NLGN1: variants seen among roughly 807,000 people sequenced by gnomAD.
NLGN1 encodes neuroligin 1.
NLGN1 carries 12 observed loss-of-function variants against 65.5 expected under a neutral mutation model. That is an observed-to-expected ratio of 0.18 (90% CI 0.12 to 0.30). The LOEUF (loss-of-function observed/expected upper bound fraction) is 0.30. Among genes scored for constraint, NLGN1 ranks in the 10% least tolerant of loss-of-function variants. The pLI is 1.00. For synonymous variants in NLGN1, 350 were observed against 359.5 expected (o/e 0.97, Z 0.30); for missense variants, 750 against 1,007.1 (o/e 0.74, Z 3.46).
chr3:173,798,741 T>C (rs1714733598), intron 3 of NLGN1, among the ~76,000 whole-genome samples: 1 of 152,114 alleles, frequency 6.6e-6, no homozygotes. Flanking sequence ...GAAATGACCT[T>C]GAAACCGTGA....
intron 4 of NLGN1, among the ~76,000 whole-genome samples, chr3:173,972,732 T>G (rs1011876542): frequency 2.6e-5 from 4 of 152,044 alleles, no homozygotes; most frequent in Non-Finnish European, 4.4e-5. Context: ...GTGATTAGAT[T>G]GGAAGATTAA....
chr3:174,249,447 TGGA>T (rs1744388258), intron 4 of NLGN1, among the ~76,000 whole-genome samples: 2 of 152,190 alleles, frequency 1.3e-5, no homozygotes, highest in Non-Finnish European at 2.9e-5. Flanking sequence ...ATGCAAAGAA[TGGA>T]GCTCACAGGG....
At chr3:174,116,330 C>CTTTTTTTTTTTTTTT (rs1168837585) in intron 4 of NLGN1, among the ~76,000 whole-genome samples, 1 of 69,634 alleles carries the variant, frequency 1.4e-5, no homozygotes, top group Non-Finnish European at 3.0e-5. Flanking sequence ...TCTGGGTTTT[C>CTTTTTTTTTTTTTTT]TTTTTTTTTT....
intron 4 of NLGN1, among the ~76,000 whole-genome samples, chr3:173,902,060 C>A (rs1737482222): frequency 6.6e-6 from 1 of 152,030 alleles, no homozygotes; most frequent in South Asian, 2.1e-4. Context: ...CACAGATAGC[C>A]CTTGACGGAA....
intron 4 of NLGN1, among the ~76,000 whole-genome samples, chr3:173,823,317 C>T (rs1024223430): frequency 2.0e-5 from 3 of 151,988 alleles, no homozygotes; most frequent in South Asian, 2.1e-4. Flanking sequence ...TTACAGTAAC[C>T]ATGTTAGAGA....
chr3:173,821,206 C>G lies in NLGN1; in HGVS notation c.646+13374C>G, dbSNP rs533003773. Among the ~76,000 whole-genome samples the G allele has an allele frequency of 6.6e-5, 10 of 152,242 alleles. No homozygotes were observed. The East Asian group carries it at 1.9e-3, about 29-fold the overall frequency. On this transcript the variant is annotated intron_variant, in intron 4 of 6. Coordinates refer to ENST00000457714, the Ensembl canonical transcript of NLGN1. The stretch of plus-strand genomic sequence containing the variant: ...GGCATATCCCTGAGATGAAACATAT[C>G]TAAGAGAAATACTAATTTCTGTTCT...
intron 4 of NLGN1, among the ~76,000 whole-genome samples, chr3:174,204,891 C>T (rs1735118087): frequency 6.6e-6 from 1 of 151,972 alleles, no homozygotes; most frequent in Admixed American, 6.6e-5. Flanking sequence ...TTGGATTACT[C>T]ATTTCCAGTT....
chr3:173,468,320 A>G (rs141947289), intron 2 of NLGN1, among the ~76,000 whole-genome samples: 1 of 152,202 alleles, frequency 6.6e-6, no homozygotes, highest in African/African-American at 2.4e-5. Flanking sequence ...TCCTTTCACC[A>G]GTTATCCTAA....
chr3:174,027,824 T>A (rs1196570520), intron 4 of NLGN1, among the ~76,000 whole-genome samples: 1 of 152,178 alleles, frequency 6.6e-6, no homozygotes, highest in Middle Eastern at 3.2e-3. Context: ...AACTCATAGA[T>A]CAGTGCATAT....
intron 4 of NLGN1, among the ~76,000 whole-genome samples, chr3:174,239,194 AAGT>A (rs1742341198): frequency 6.6e-6 from 1 of 151,682 alleles, no homozygotes; most frequent in Non-Finnish European, 1.5e-5. Context: ...TCAGCCTCCC[AAGT>A]AGCTGGGATT....
intron 4 of NLGN1, among the ~76,000 whole-genome samples, chr3:173,980,107 C>CCAG (rs1718430643): frequency 6.6e-6 from 1 of 151,938 alleles, no homozygotes; most frequent in Non-Finnish European, 1.5e-5. Context: ...CTGGGTTGTA[C>CCAG]CAGCCACTTA....
intron 4 of NLGN1, among the ~76,000 whole-genome samples, chr3:174,265,534 C>T (rs1250275229): frequency 2.6e-5 from 4 of 151,890 alleles, no homozygotes; most frequent in African/African-American, 4.8e-5. Context: ...CGCCCTGTTT[C>T]GGCTCGCACA....
intron 4 of NLGN1, among the ~76,000 whole-genome samples, chr3:174,229,455 A>G (rs907128824): frequency 2.0e-5 from 3 of 152,274 alleles, no homozygotes; most frequent in African/African-American, 4.8e-5. Flanking sequence ...GCTTATGCCA[A>G]CATCAAATTA....
At chr3:173,938,809 A>T (rs1383416769) in intron 4 of NLGN1, among the ~76,000 whole-genome samples, 2 of 152,096 alleles carry the variant, frequency 1.3e-5, no homozygotes, top group African/African-American at 4.8e-5. Context: ...AAAGGCATCA[A>T]CTCAGTGGCT....
chr3:173,930,906 G>A (rs1743967000), intron 4 of NLGN1, among the ~76,000 whole-genome samples: 1 of 152,102 alleles, frequency 6.6e-6, no homozygotes, highest in Non-Finnish European at 1.5e-5. Flanking sequence ...GCTCTCTGAT[G>A]TTGTTTCTTA....
chr3:173,746,867 A>G (rs1379401576), intron 3 of NLGN1, among the ~76,000 whole-genome samples: 1 of 151,716 alleles, frequency 6.6e-6, no homozygotes, highest in East Asian at 1.9e-4. Context: ...ACATAACAAG[A>G]TCTTCTCCCT....
At chr3:174,243,338 C>T (rs1261474333) in intron 4 of NLGN1, among the ~76,000 whole-genome samples, 1 of 152,050 alleles carries the variant, frequency 6.6e-6, no homozygotes, top group Admixed American at 6.6e-5. Context: ...TTGTTAGGCT[C>T]GTGGGTGGGC....
chr3:173,852,355 CAAAAAAAAAAAAAAAAAAAA>C (rs71162367), intron 4 of NLGN1, among the ~76,000 whole-genome samples: 2 of 46,660 alleles, frequency 4.3e-5, no homozygotes, highest in Non-Finnish European at 3.6e-5. Flanking sequence ...GACTCCGTCT[CAAAAAAAAAAAAAAAAAAAA>C]AAAAAAAAAA....
chr3:173,431,961 G>A (rs772999580), intron 1 of NLGN1, among the ~76,000 whole-genome samples: 20 of 152,004 alleles, frequency 1.3e-4, no homozygotes, highest in East Asian at 3.8e-4. Context: ...TAAAAATGTC[G>A]TATATCTGAA....
Sources: gnomAD v4.1 joint callset for allele counts (sites outside exome capture counted in the v4.1 genomes callset) on GRCh38, gnomAD v4.1.1 for gene constraint, MANE v1.5 for transcripts, NCBI Gene and HGNC (gene_info 2026-07-23, HGNC 2026-07-21) for gene names.